The following METTL15 variants were observed in gnomAD, a reference collection of about 807,000 sequenced individuals.
METTL15 encodes the protein methyltransferase 15, mitochondrial 12S rRNA N4-cytidine.
METTL15 carries 34 observed loss-of-function variants against 38.3 expected under a neutral mutation model. The ratio of observed to expected loss-of-function variants is 0.89; its 90% CI spans 0.68 to 1.18. The LOEUF is 1.18. METTL15 is among the 50% of genes most tolerant of loss of function. The probability of loss-of-function intolerance (pLI) is 0.00; values close to 1 mark genes in which losing one functional copy is unlikely to be tolerated. For missense variants in METTL15, 438 were observed against 498.4 expected (o/e 0.88, Z 1.15); for synonymous variants, 162 against 170.9 (o/e 0.95, Z 0.41).
chr11:28,345,693 TG>T, intron 3 of METTL15, among the ~76,000 whole-genome samples: 1 of 152,168 alleles, frequency 6.6e-6, no homozygotes, highest in Non-Finnish European at 1.5e-5. Flanking sequence ...CCAGTGGATT[TG>T]GTGCGCCAAC....
At chr11:28,266,073 G>C (rs1464263198) in intron 4 of METTL15, among the ~76,000 whole-genome samples, 2 of 152,156 alleles carry the variant, frequency 1.3e-5, no homozygotes, top group Non-Finnish European at 2.9e-5. Context: ...GTGCTGGAGA[G>C]GATGTGGAGA....
chr11:28,213,929 A>G (rs547133605), intron 4 of METTL15, among the ~76,000 whole-genome samples: 54 of 152,296 alleles, frequency 3.5e-4, no homozygotes, highest in African/African-American at 1.3e-3. Flanking sequence ...TGCTGGGATT[A>G]CAGGTGTGAG....
chr11:28,317,776 T>C (rs971802199), intron 6 of METTL15, among the ~76,000 whole-genome samples: 1 of 152,204 alleles, frequency 6.6e-6, no homozygotes, highest in Admixed American at 6.5e-5. Context: ...AAGCAAGATT[T>C]TCTCTTACTT....
chr11:28,315,296 T>G (rs1412751716), intron 6 of METTL15, among the ~76,000 whole-genome samples: 1 of 152,196 alleles, frequency 6.6e-6, no homozygotes, highest in African/African-American at 2.4e-5. Context: ...AGGAACTTGT[T>G]GGGAACTGGA....
At chr11:28,461,732 A>G (rs947434298) in intron 6 of METTL15, among the ~76,000 whole-genome samples, 11 of 152,060 alleles carry the variant, frequency 7.2e-5, no homozygotes, top group Non-Finnish European at 2.9e-5. Flanking sequence ...ACAGTATGCA[A>G]TTTTCCTTTT....
chr11:28,318,554 A>G (rs1427875683), intron 6 of METTL15, among the ~76,000 whole-genome samples: 1 of 152,194 alleles, frequency 6.6e-6, no homozygotes, highest in Non-Finnish European at 1.5e-5. Flanking sequence ...ATGTATAACA[A>G]CAAGTGTATT....
intron 6 of METTL15, among the ~76,000 whole-genome samples, chr11:28,463,561 A>T (rs1313061997): frequency 1.3e-5 from 2 of 152,170 alleles, no homozygotes; most frequent in East Asian, 1.9e-4. Context: ...AGTTTCGAAG[A>T]TTGAAGGGCT....
At chr11:28,416,250 C>G (rs1850771378) in intron 5 of METTL15, among the ~76,000 whole-genome samples, 1 of 152,214 alleles carries the variant, frequency 6.6e-6, no homozygotes, top group Admixed American at 6.5e-5. Flanking sequence ...CCCACGTGTT[C>G]AAGCTCTATC....
At chr11:28,425,576 C>T (rs1458148379) in intron 6 of METTL15, among the ~76,000 whole-genome samples, 31 of 152,168 alleles carry the variant, frequency 2.0e-4, no homozygotes, top group Admixed American at 2.0e-3. Context: ...GACCTCTAAT[C>T]GTTCATCACT....
chr11:28,140,270 A>G (rs1290060931), intron 3 of METTL15, among the ~76,000 whole-genome samples: 1 of 152,180 alleles, frequency 6.6e-6, no homozygotes, highest in Non-Finnish European at 1.5e-5. Context: ...TAACATTATA[A>G]AAGAAGAGCT....
At chr11:28,373,330 G>T (rs550502696) in intron 5 of METTL15, among the ~76,000 whole-genome samples, 1 of 151,944 alleles carries the variant, frequency 6.6e-6, no homozygotes, top group Admixed American at 6.6e-5. Flanking sequence ...GTGTGAGATG[G>T]TATCTCATTG....
At chr11:28,348,425 T>G (rs1850014658) in intron 3 of METTL15, among the ~76,000 whole-genome samples, 1 of 152,210 alleles carries the variant, frequency 6.6e-6, no homozygotes, top group Non-Finnish European at 1.5e-5. Context: ...TGGAGTACAG[T>G]GGTGCAATCA....
At chr11:28,157,754 C>G (rs374257813) in intron 3 of METTL15, among the ~76,000 whole-genome samples, 2 of 152,060 alleles carry the variant, frequency 1.3e-5, no homozygotes, top group African/African-American at 4.8e-5. Flanking sequence ...GAGGAAGTGG[C>G]GCAAATGCCC....
At position 28,390,515 on chromosome 11, in the gene METTL15, G is replaced by T. The variant is rs576320933; in HGVS notation, c.*358+28479G>T. On this transcript the variant is annotated intron_variant and NMD_transcript_variant, in intron 5 of 7. Coordinates refer to the METTL15 transcript ENST00000532947. ...TTTCCCCATTGCTTGTTTTTCTCAG[G>T]TTTGTCAAAGATCAGATAGTTGTAG... Among the ~76,000 whole-genome samples the T allele has an allele frequency of 7.2e-5, 11 of 152,150 alleles. No individual in the cohort carries two copies. In the East Asian group the frequency reaches 9.7e-4, roughly 13 times the overall value.
chr11:28,401,645 C>G (rs1370072481), intron 5 of METTL15, among the ~76,000 whole-genome samples: 1 of 151,918 alleles, frequency 6.6e-6, no homozygotes, highest in Non-Finnish European at 1.5e-5. Context: ...TCAGAGTGCA[C>G]AGCAGACCTG....
At chr11:28,256,778 T>C (rs987039184) in intron 4 of METTL15, among the ~76,000 whole-genome samples, 5 of 152,126 alleles carry the variant, frequency 3.3e-5, no homozygotes, top group Non-Finnish European at 4.4e-5. Context: ...TCTAGTTCTC[T>C]AAGATTCATC....
chr11:28,497,709 G>A (rs1489037929), intron 6 of METTL15, among the ~76,000 whole-genome samples: 1 of 152,178 alleles, frequency 6.6e-6, no homozygotes, highest in Non-Finnish European at 1.5e-5. Flanking sequence ...GACAGACAAT[G>A]TGTCCTCACA....
intron 5 of METTL15, among the ~76,000 whole-genome samples, chr11:28,422,164 A>G (rs1850826109): frequency 6.6e-6 from 1 of 152,060 alleles, no homozygotes; most frequent in African/African-American, 2.4e-5. Context: ...TGAAAACTAT[A>G]AAACATTGAT....
chr11:28,516,347 G>A (rs1851719494), intron 6 of METTL15, among the ~76,000 whole-genome samples: 1 of 152,158 alleles, frequency 6.6e-6, no homozygotes, highest in South Asian at 2.1e-4. Flanking sequence ...TTGGGCATCA[G>A]TGGGCATGGA....
Sources: gnomAD v4.1 joint callset for allele counts (sites outside exome capture counted in the v4.1 genomes callset) on GRCh38, gnomAD v4.1.1 for gene constraint, MANE v1.5 for transcripts, NCBI Gene and HGNC (gene_info 2026-07-23, HGNC 2026-07-21) for gene names.